Variants in EPM2A observed in about 807,000 individuals in gnomAD.
The protein encoded by EPM2A is EPM2A glucan phosphatase, laforin.
In EPM2A, 21 loss-of-function variants were observed where a neutral mutation model predicts 26.5. That is an observed-to-expected ratio of 0.79 (90% CI 0.56 to 1.14). The LOEUF (loss-of-function observed/expected upper bound fraction) is 1.14, where lower values mean the gene tolerates loss of function less well. EPM2A is among the 50% of genes most tolerant of loss of function. The probability of loss-of-function intolerance (pLI) is 0.00; values close to 1 mark genes in which losing one functional copy is unlikely to be tolerated. For missense variants in EPM2A, 458 were observed against 440.8 expected (o/e 1.04, Z -0.35); for synonymous variants, 217 against 177.6 (o/e 1.22, Z -1.76).
intron 2 of EPM2A, among the ~76,000 whole-genome samples, chr6:145,653,471 C>A (rs1450159580): frequency 6.6e-6 from 1 of 152,124 alleles, no homozygotes; most frequent in Non-Finnish European, 1.5e-5. Flanking sequence ...ATTAGCCAGT[C>A]TCAGGGAAGT....
At chr6:145,722,721 T>C (rs954987446) in intron 1 of EPM2A, 5 of 448,868 alleles carry the variant, frequency 1.1e-5, no homozygotes, top group African/African-American at 8.1e-5. Context: ...AGATAGGATG[T>C]TTACAGTGGT....
chr6:145,397,838 G>A (rs140224989), intron 4 of EPM2A, among the ~76,000 whole-genome samples: 297 of 152,300 alleles, frequency 2.0e-3, no homozygotes, highest in Admixed American at 5.6e-3. Context: ...ATTAATGTCT[G>A]TATCTGACAC....
chr6:145,680,339 C>CTT (rs11404126), intron 2 of EPM2A, among the ~76,000 whole-genome samples: 46 of 146,568 alleles, frequency 3.1e-4, no homozygotes, highest in East Asian at 7.9e-4. Flanking sequence ...GTGCTAATTT[C>CTT]TTTTTTTTTT....
chr6:145,505,160 G>T (rs1352159849), intron 2 of EPM2A, among the ~76,000 whole-genome samples: 1 of 147,838 alleles, frequency 6.8e-6, no homozygotes, highest in African/African-American at 2.5e-5. Flanking sequence ...ACGCGTTAGT[G>T]GGTGCAGTGC....
intron 2 of EPM2A, among the ~76,000 whole-genome samples, chr6:145,578,728 G>A (rs948972210): frequency 4.6e-5 from 7 of 152,060 alleles, no homozygotes; most frequent in Non-Finnish European, 1.0e-4. Flanking sequence ...ATAATAAACT[G>A]TATATATTGA....
intron 2 of EPM2A, among the ~76,000 whole-genome samples, chr6:145,510,018 T>A (rs1352806583): frequency 1.3e-5 from 2 of 151,998 alleles, no homozygotes; most frequent in Non-Finnish European, 2.9e-5. Context: ...AAGGGTTCCG[T>A]TCAACAAGAA....
At chr6:145,702,119 T>C (rs1349743964) in intron 1 of EPM2A, among the ~76,000 whole-genome samples, 3 of 152,196 alleles carry the variant, frequency 2.0e-5, no homozygotes, top group Non-Finnish European at 2.9e-5. Context: ...AGCCCTGTGC[T>C]CACCCAGCAC....
intron 1 of EPM2A, among the ~76,000 whole-genome samples, chr6:145,709,722 G>C (rs1249273911): frequency 1.3e-5 from 2 of 152,268 alleles, no homozygotes; most frequent in East Asian, 1.9e-4. Context: ...GCTTGTAGAG[G>C]AAGGATTGAA....
chr6:145,608,581 C>T (rs1386094625), intron 2 of EPM2A, among the ~76,000 whole-genome samples: 3 of 149,286 alleles, frequency 2.0e-5, no homozygotes, highest in Non-Finnish European at 3.0e-5. Context: ...AGTCAATCTA[C>T]TCTCTACTGT....
intron 2 of EPM2A, among the ~76,000 whole-genome samples, chr6:145,537,787 G>C (rs746245244): frequency 6.7e-6 from 1 of 149,386 alleles, no homozygotes; most frequent in African/African-American, 2.5e-5. Flanking sequence ...AGTGTGTGTT[G>C]TTGCCCTCTT....
chr6:145,405,719 A>G (rs1778558169), intron 4 of EPM2A, among the ~76,000 whole-genome samples: 1 of 152,170 alleles, frequency 6.6e-6, no homozygotes, highest in South Asian at 2.1e-4. Context: ...AACTTGGGCT[A>G]TAACCACATT....
chr6:145,390,200 G>A (rs1304247099), intron 4 of EPM2A, among the ~76,000 whole-genome samples: 1 of 152,088 alleles, frequency 6.6e-6, no homozygotes, highest in African/African-American at 2.4e-5. Flanking sequence ...TTCTTTCTTT[G>A]GGGAGGGCAG....
intron 4 of EPM2A, among the ~76,000 whole-genome samples, chr6:145,424,965 T>C (rs986429349): frequency 1.3e-4 from 15 of 117,800 alleles, no homozygotes; most frequent in Non-Finnish European, 2.7e-4. Context: ...ATTAGATATA[T>C]AGACATAGAT....
intron 2 of EPM2A, among the ~76,000 whole-genome samples, chr6:145,652,748 C>T (rs894982157): frequency 6.6e-5 from 10 of 151,644 alleles, no homozygotes; most frequent in African/African-American, 2.2e-4. Context: ...GAAACACAGG[C>T]GTGGAGACAT....
chr6:145,622,705 C>T (rs1775662726), downstream of EPM2A, among the ~76,000 whole-genome samples: 1 of 152,194 alleles, frequency 6.6e-6, no homozygotes, highest in Non-Finnish European at 1.5e-5. Context: ...AGAATAGCGG[C>T]ATGGAACACA....
chr6:145,509,250 T>C (rs540444603), intron 2 of EPM2A, among the ~76,000 whole-genome samples: 34 of 151,940 alleles, frequency 2.2e-4, no homozygotes, highest in Admixed American at 4.6e-4. Context: ...GTCCTGAGAG[T>C]TGCTATATAA....
intron 1 of EPM2A, among the ~76,000 whole-genome samples, chr6:145,702,852 C>T (rs1390055184): frequency 1.3e-5 from 2 of 152,178 alleles, no homozygotes; most frequent in African/African-American, 4.8e-5. Context: ...ACCATGCTAG[C>T]TTTACCCTAA....
chr6:145,490,273 G>A (rs1452524324), intron 4 of EPM2A: 9 of 1,440,750 alleles, frequency 6.2e-6, no homozygotes, highest in Admixed American at 2.3e-5. Flanking sequence ...TACACCCAGT[G>A]TGTATTACCA....
At chr6:145,395,319 G>A (rs1778390225) in intron 4 of EPM2A, among the ~76,000 whole-genome samples, 1 of 152,068 alleles carries the variant, frequency 6.6e-6, no homozygotes, top group Non-Finnish European at 1.5e-5. Context: ...CCCCTACTCT[G>A]GGACACCCAA....
Sources: allele counts gnomAD v4.1 joint callset (sites outside exome capture counted in the v4.1 genomes callset), GRCh38; gene constraint gnomAD v4.1.1; transcripts MANE v1.5; gene names NCBI Gene and HGNC (gene_info 2026-07-23, HGNC 2026-07-21).